GFOD1: variants seen among roughly 807,000 people sequenced by gnomAD.
GFOD1 encodes the protein glucose-fructose oxidoreductase domain-containing protein 1.
A neutral mutation model predicts 25.4 loss-of-function variants in GFOD1; 9 were observed. The observed-to-expected ratio is 0.35, with a 90% CI of 0.21 to 0.62. The LOEUF is 0.62. Among genes scored for constraint, GFOD1 ranks in the 20% least tolerant of loss-of-function variants. GFOD1 has a pLI of 0.72. For missense variants in GFOD1, 403 were observed against 556.9 expected (o/e 0.72, Z 2.78); for synonymous variants, 253 against 245.6 (o/e 1.03, Z -0.28).
chr6:13,439,650 A>C (rs1003691241), intron 1 of GFOD1, among the ~76,000 whole-genome samples: 11 of 152,230 alleles, frequency 7.2e-5, no homozygotes, highest in Non-Finnish European at 1.5e-5. Context: ...GCAGTGGACT[A>C]ATCACCATGC....
chr6:13,464,002 A>T (rs1758338117), intron 1 of GFOD1, among the ~76,000 whole-genome samples: 1 of 152,160 alleles, frequency 6.6e-6, no homozygotes, highest in Admixed American at 6.5e-5. Context: ...AACCATATAT[A>T]CGTATATACC....
chr6:13,376,420 C>T (rs1473702921), intron 1 of GFOD1, among the ~76,000 whole-genome samples: 1 of 152,108 alleles, frequency 6.6e-6, no homozygotes, highest in East Asian at 1.9e-4. Flanking sequence ...CTTGAGCCTA[C>T]ACCACCACTC....
chr6:13,373,772 A>ACACACACACG (rs1318792855), intron 1 of GFOD1, among the ~76,000 whole-genome samples: 10 of 121,166 alleles, frequency 8.3e-5, no homozygotes, highest in African/African-American at 3.4e-4. Context: ...ACACACACAC[A>ACACACACACG]CTACGCTTTT....
rs139927564 is a variant in GFOD1, at chr6:13,364,866, G to A, written c.1050C>T (p.Ile350=). 1.2e-6 allele frequency: 2 copies of A among 1,614,020 alleles called. No individual in the cohort carries two copies. Among genetic ancestry groups the A allele is most frequent in the Non-Finnish European group, 1.7e-6 (2 of 1,180,034 alleles). ...ACTCGCCCGTCTGGCTGGACCTCTT[G>A]ATGGTGTCCACCACGCACAAGGCAT... The part of the protein sequence containing the change: ...CLYALCVVDT[I]KRSSQTGEWQ... Residue 350 remains isoleucine, a synonymous_variant, in exon 2 of 2, where the codon ATC becomes ATT. Transcript: ENST00000379287. The surrounding 1 kb of genome is among the most constrained non-coding windows in gnomAD (Gnocchi z 4.1).
intron 1 of GFOD1, among the ~76,000 whole-genome samples, chr6:13,410,697 T>C (rs943367879): frequency 1.3e-5 from 2 of 151,870 alleles, no homozygotes; most frequent in African/African-American, 4.8e-5. Context: ...TTACCCAATA[T>C]GCTGGCAGAA....
rs1450314779 is a variant in GFOD1, at chr6:13,470,198, A to G, written c.253+16440T>C. ...GCACCTGCGCGCGATGAACGCATCT[A>G]TCTGTAATCTTGACTGGGTCTGGGG... On this transcript the variant is annotated intron_variant, in intron 1 of 1. Coordinates refer to ENST00000379287, the MANE Select transcript of GFOD1 (RefSeq NM_018988.4). 3.0e-5 allele frequency: 47 copies of G among 1,582,930 alleles called. 1 individual carries two copies. The Admixed American group carries it at 7.8e-4, about 26-fold the overall frequency.
intron 1 of GFOD1, among the ~76,000 whole-genome samples, chr6:13,376,377 C>T (rs1381750390): frequency 6.6e-6 from 1 of 151,984 alleles, no homozygotes; most frequent in African/African-American, 2.4e-5. Context: ...CCTCGGTGGT[C>T]GCTATTCTAG....
intron 1 of GFOD1, among the ~76,000 whole-genome samples, chr6:13,446,606 G>A (rs1419448269): frequency 1.3e-5 from 2 of 152,150 alleles, no homozygotes; most frequent in East Asian, 3.8e-4. Context: ...ATCAAGCAGC[G>A]TCAGCAAACA....
At chr6:13,401,041 ACCATAAGT>A (rs1221660137) in intron 1 of GFOD1, among the ~76,000 whole-genome samples, 1 of 152,236 alleles carries the variant, frequency 6.6e-6, no homozygotes, top group Non-Finnish European at 1.5e-5. Context: ...ACTTGTGAAG[ACCATAAGT>A]CTATGTTTCA....
intron 1 of GFOD1, among the ~76,000 whole-genome samples, chr6:13,485,375 C>T (rs1417191071): frequency 6.6e-6 from 1 of 152,238 alleles, no homozygotes; most frequent in Non-Finnish European, 1.5e-5. Flanking sequence ...TAACTTCCGG[C>T]TGGTTTCTGG....
intron 1 of GFOD1, among the ~76,000 whole-genome samples, chr6:13,407,304 C>T (rs1181810458): frequency 6.6e-6 from 1 of 152,126 alleles, no homozygotes; most frequent in Non-Finnish European, 1.5e-5. Flanking sequence ...AGGAGGATAC[C>T]CTTAAAATAG....
At chr6:13,369,206 C>A (rs1785102578) in intron 1 of GFOD1, among the ~76,000 whole-genome samples, 1 of 152,218 alleles carries the variant, frequency 6.6e-6, no homozygotes, top group Non-Finnish European at 1.5e-5. Flanking sequence ...CCTGCCCCAC[C>A]TTTGTGCCCA....
chr6:13,478,290 A>C (rs1387581255), intron 1 of GFOD1, among the ~76,000 whole-genome samples: 2 of 151,888 alleles, frequency 1.3e-5, no homozygotes, highest in African/African-American at 2.4e-5. Flanking sequence ...CAGGTGCACA[A>C]CACCACTCCC....
chr6:13,468,504 CTT>C (rs1448345527), intron 1 of GFOD1, among the ~76,000 whole-genome samples: 4 of 152,184 alleles, frequency 2.6e-5, no homozygotes, highest in Non-Finnish European at 5.9e-5. Flanking sequence ...CCTTCAGAAA[CTT>C]CCAAGAAGTC....
intron 1 of GFOD1, among the ~76,000 whole-genome samples, chr6:13,418,372 C>G (rs1035572278): frequency 6.6e-6 from 1 of 152,230 alleles, no homozygotes; most frequent in African/African-American, 2.4e-5. Context: ...GGCACATGGT[C>G]TGATTGACAC....
chr6:13,398,605 A>G (rs930248879), intron 1 of GFOD1, among the ~76,000 whole-genome samples: 1 of 152,224 alleles, frequency 6.6e-6, no homozygotes, highest in Admixed American at 6.5e-5. Flanking sequence ...AGGAGCTCAC[A>G]TCGGGTGTTT....
At chr6:13,465,829 G>A (rs1007234567) in intron 1 of GFOD1, among the ~76,000 whole-genome samples, 1 of 152,194 alleles carries the variant, frequency 6.6e-6, no homozygotes, top group African/African-American at 2.4e-5. Flanking sequence ...TTTAAGGAAA[G>A]AGGAAAAAGA....
intron 1 of GFOD1, among the ~76,000 whole-genome samples, chr6:13,452,884 C>T (rs1758122948): frequency 6.6e-6 from 1 of 152,178 alleles, no homozygotes; most frequent in African/African-American, 2.4e-5. Context: ...CTCAGTGTTC[C>T]TTGGCTGTAA....
chr6:13,411,643 C>T (rs970129585), intron 1 of GFOD1, among the ~76,000 whole-genome samples: 16 of 152,176 alleles, frequency 1.1e-4, no homozygotes, highest in Non-Finnish European at 1.9e-4. Flanking sequence ...TTTCCTCAGA[C>T]GCAGTAACAC....
Sources: allele counts gnomAD v4.1 joint callset (sites outside exome capture counted in the v4.1 genomes callset), GRCh38; gene constraint gnomAD v4.1.1; non-coding constraint Gnocchi (gnomAD v3.1); transcripts MANE v1.5; gene names NCBI Gene and HGNC (gene_info 2026-07-23, HGNC 2026-07-21).